The following DYNC2I1 variants were observed in gnomAD, a reference collection of about 807,000 sequenced individuals.
The protein encoded by DYNC2I1 is dynein 2 intermediate chain 1.
Under a neutral mutation model 133.4 loss-of-function variants are expected in DYNC2I1, and 89 were observed. The observed-to-expected ratio is 0.67, with a 90% CI of 0.56 to 0.80. DYNC2I1 has a LOEUF of 0.80. Ranked by LOEUF, DYNC2I1 falls within the 30% of genes least tolerant of loss-of-function variation. The probability of loss-of-function intolerance (pLI) is 0.00; values close to 1 mark genes in which losing one functional copy is unlikely to be tolerated. For missense variants in DYNC2I1, 1,291 were observed against 1,314.5 expected (o/e 0.98, Z 0.28); for synonymous variants, 504 against 484.3 (o/e 1.04, Z -0.54).
At chr7:158,850,914 G>A in the DYNC2I1 span, among the ~76,000 whole-genome samples, 597 of 152,014 alleles carry the variant, frequency 3.9e-3, 10 homozygotes, top group African/African-American at 0.013. Flanking sequence ...AGGAGCTGCT[G>A]GAGTCTACGG....
At chr7:158,870,677 T>A (rs1208505558) in intron 2 of DYNC2I1, among the ~76,000 whole-genome samples, 1 of 152,132 alleles carries the variant, frequency 6.6e-6, no homozygotes, top group Non-Finnish European at 1.5e-5. Flanking sequence ...CTGGTCCTAC[T>A]TATTTTTTTT....
chr7:158,859,819 A>G (rs1841712940), intron 1 of DYNC2I1, among the ~76,000 whole-genome samples: 1 of 152,182 alleles, frequency 6.6e-6, no homozygotes. Context: ...CAAAAGCAAC[A>G]GATCTCAGAG....
At chr7:158,889,773 GCAGGGGGATCATCTGAGGT>G (rs1845010362) in intron 7 of DYNC2I1, among the ~76,000 whole-genome samples, 1 of 151,942 alleles carries the variant, frequency 6.6e-6, no homozygotes, top group African/African-American at 2.4e-5. Context: ...GGAGGCCGAG[GCAGGGGGATCATCTGAGGT>G]CAGGAGTTTG....
In DYNC2I1 at chr7:158,879,928, A is replaced by T. The variant is rs2788478; in HGVS notation, c.818A>T (p.Gln273Leu). The T allele has an allele frequency of 6.2e-7, 1 of 1,610,658 alleles. No homozygotes were observed. Among genetic ancestry groups the T allele is most frequent in the East Asian group, 2.2e-5 (1 of 44,874 alleles). Residue 273 changes from glutamine (Q) to leucine (L), a missense_variant, in exon 5 of 25, where the codon CAA becomes CTA. Physicochemically the swap from Gln to Leu is moderately radical, Grantham distance 113. Coordinates refer to ENST00000407559, the MANE Select transcript of DYNC2I1 (RefSeq NM_018051.5). ...EGFHFDDERHQSNVDRKEKSA... is the reference protein window; with the variant it reads ...EGFHFDDERHLSNVDRKEKSA... ...TTTCATTTTGATGATGAGAGGCACCAAAGCAACGTGGATAGAAAAGAGAAA... is the reference window on the plus strand; with the variant it reads ...TTTCATTTTGATGATGAGAGGCACCTAAGCAACGTGGATAGAAAAGAGAAA...
chr7:158,853,256 C>G (rs1207306327), upstream of DYNC2I1, among the ~76,000 whole-genome samples: 1 of 152,160 alleles, frequency 6.6e-6, no homozygotes, highest in African/African-American at 2.4e-5. Context: ...ATGGACCACT[C>G]CTCCTTGGCC....
intron 14 of DYNC2I1, among the ~76,000 whole-genome samples, chr7:158,915,919 G>A (rs1163471016): frequency 6.1e-5 from 9 of 148,512 alleles, no homozygotes; most frequent in Non-Finnish European, 1.3e-4. Flanking sequence ...ACGTCGACAC[G>A]CTGGTTGACA....
At chr7:158,852,621 CCCAG>C (rs1841085777), upstream of DYNC2I1, among the ~76,000 whole-genome samples, 1 of 151,994 alleles carries the variant, frequency 6.6e-6, no homozygotes, top group African/African-American at 2.4e-5. Flanking sequence ...TGCCTGCAGT[CCCAG>C]CCAGTCAGGA....
At position 158,871,424 on chromosome 7, in the gene DYNC2I1, G is replaced by C; in HGVS notation, c.352G>C (p.Gly118Arg). The change falls in exon 3 of 25, where the codon GGA (glycine) becomes CGA (arginine). Residue 118 changes from glycine (G) to arginine (R), a missense_variant. Coordinates refer to ENST00000407559, the MANE Select transcript of DYNC2I1 (RefSeq NM_018051.5). ...AGAGGCAGAAAAGTCTCACAGCAGA[G>C]GAAAGGACAGGGAAAAAGAAAAAGA... Reference protein sequence around the residue: ...HREAEKSHSRGKDREKEKDRR... With the variant: ...HREAEKSHSRRKDREKEKDRR... 6.4e-7 allele frequency: 1 copy of C among 1,551,532 alleles called. No homozygotes were observed. Among genetic ancestry groups the C allele is most frequent in the Non-Finnish European group, 8.7e-7 (1 of 1,147,000 alleles).
chr7:158,859,265 G>A (rs1354327459), intron 1 of DYNC2I1, among the ~76,000 whole-genome samples: 1 of 151,862 alleles, frequency 6.6e-6, no homozygotes, highest in Admixed American at 6.6e-5. Flanking sequence ...GCTTAGCATA[G>A]AATTCTAGGA....
intron 10 of DYNC2I1, chr7:158,902,890 C>T (rs1846384217): frequency 2.9e-6 from 1 of 342,134 alleles, no homozygotes; most frequent in African/African-American, 2.1e-5. Flanking sequence ...CACTGATGCT[C>T]CTGTTCTCCA....
At chr7:158,951,356 CCCTGGGCGATGGCACCAAG>C (rs1243471343) in intron 4 of DYNC2I1, among the ~76,000 whole-genome samples, 3 of 152,202 alleles carry the variant, frequency 2.0e-5, no homozygotes, top group Non-Finnish European at 4.4e-5. Flanking sequence ...CCTGGCAGGT[CCCTGGGCGATGGCACCAAG>C]CCAGGTCTCA....
intron 19 of DYNC2I1, 61 bp from the exon 20 acceptor site, chr7:158,926,931 G>A (rs1585199335): frequency 7.9e-7 from 1 of 1,271,540 alleles, no homozygotes; most frequent in East Asian, 2.5e-5. Context: ...GCTATGCTTT[G>A]CTTAGGTTGT....
intron 14 of DYNC2I1, among the ~76,000 whole-genome samples, chr7:158,915,385 C>G (rs1563161696): frequency 7.1e-4 from 80 of 112,292 alleles, no homozygotes; most frequent in Admixed American, 1.3e-3. Context: ...TGTGAAACGT[C>G]GACATGCTGG....
intron 1 of DYNC2I1, among the ~76,000 whole-genome samples, chr7:158,864,651 G>A (rs187944213): frequency 1.3e-3 from 196 of 151,720 alleles, no homozygotes; most frequent in Non-Finnish European, 1.5e-3. Context: ...CTGGGACTGC[G>A]GTTGAATCAC....
rs565962839 is a variant in DYNC2I1, at chr7:158,856,580, G to A, written c.-156G>A. ...ACTGGGAGAGGCCGCAGGGCACGCT[G>A]GGCAGTGCTTCTGGGCCCTCTGCTG... On this transcript the variant is annotated 5_prime_UTR_variant, in exon 1 of 25. Transcript: ENST00000407559. 854 of 719,068 alleles carry A rather than the reference G, an allele frequency of 1.2e-3. 3 individuals are homozygous for A. The highest frequency in any genetic ancestry group is 1.5e-3 in the Non-Finnish European group (760 of 521,130). 44.5% of individuals were successfully genotyped at this position (719,068 alleles called of 1,614,324 possible). A position where few individuals can be genotyped will look rare whatever the true frequency, so the allele number is the denominator to read the frequency against.
intron 1 of DYNC2I1, among the ~76,000 whole-genome samples, chr7:158,863,878 G>A: frequency 8.1e-6 from 1 of 123,114 alleles, no homozygotes; most frequent in Non-Finnish European, 1.7e-5. Context: ...GGGGGGAGCG[G>A]GACGTCCTTA....
upstream of DYNC2I1, among the ~76,000 whole-genome samples, chr7:158,853,653 AG>A (rs1841103166): frequency 7.5e-6 from 1 of 133,662 alleles, no homozygotes; most frequent in African/African-American, 3.1e-5. Context: ...GGGAGACCAG[AG>A]GTTTTTTTTT....
In DYNC2I1 at chr7:158,945,714, G is replaced by A. The variant is rs374441423; in HGVS notation, c.3136G>A (p.Glu1046Lys). The A allele has an allele frequency of 3.1e-6, 5 of 1,609,334 alleles. No homozygotes were observed. The highest frequency in any genetic ancestry group is 1.3e-5 in the African/African-American group (1 of 74,898). Reference protein sequence around the residue: ...KRRWAAPEVDECNRLRLLLQE... With the variant: ...KRRWAAPEVDKCNRLRLLLQE... ...GCGGTGGGCGGCCCCGGAGGTGGAC[G>A]AGTGCAACAGGCTGCGTCTGCTTTT... Residue 1046 changes from glutamate (E) to lysine (K), a missense_variant, in exon 25 of 25, where the codon GAG becomes AAG. Transcript: ENST00000407559. This position sits in a 1 kb window ranked among gnomAD's most constrained non-coding sequence, Gnocchi z 4.1.
At chr7:158,908,806 C>T (rs982511697) in intron 11 of DYNC2I1, among the ~76,000 whole-genome samples, 9 of 152,208 alleles carry the variant, frequency 5.9e-5, no homozygotes, top group South Asian at 2.1e-4. Flanking sequence ...AAATACCTGT[C>T]GGTGGCTCAA....
Sources: gnomAD v4.1 joint callset for allele counts (sites outside exome capture counted in the v4.1 genomes callset) on GRCh38, gnomAD v4.1.1 for gene constraint, Gnocchi (gnomAD v3.1) non-coding constraint, MANE v1.5 for transcripts, NCBI Gene and HGNC (gene_info 2026-07-23, HGNC 2026-07-21) for gene names.